SPMAP2L: variants seen among roughly 807,000 people sequenced by gnomAD.
The protein encoded by SPMAP2L is sperm microtubule associated protein 2 like, also known as sperm microtubule associated protein 2-like.
the SPMAP2L span, chr4:56,593,747 G>A: frequency 6.4e-6 from 10 of 1,568,834 alleles, no homozygotes; most frequent in East Asian, 2.2e-4. Flanking sequence ...GTATTGTCTT[G>A]CTCTTCAAAC....
the SPMAP2L span, among the ~76,000 whole-genome samples, chr4:56,583,819 A>G: frequency 3.3e-5 from 5 of 152,266 alleles, no homozygotes; most frequent in South Asian, 6.2e-4. Flanking sequence ...ATAACAGATC[A>G]TAAAATCAAT....
the SPMAP2L span, among the ~76,000 whole-genome samples, chr4:56,603,956 G>A: frequency 6.6e-6 from 1 of 152,082 alleles, no homozygotes; most frequent in African/African-American, 2.4e-5. Context: ...AAGCTGTTTG[G>A]TAAGCATTAA....
chr4:56,599,219 C>T, the SPMAP2L span, among the ~76,000 whole-genome samples: 2 of 151,842 alleles, frequency 1.3e-5, no homozygotes, highest in East Asian at 1.9e-4. Flanking sequence ...ATCTCACTCT[C>T]TCACCCAGGC....
At chr4:56,587,961 C>T in the SPMAP2L span, among the ~76,000 whole-genome samples, 10 of 152,248 alleles carry the variant, frequency 6.6e-5, no homozygotes, top group South Asian at 2.1e-4. Context: ...CCCTGATCAC[C>T]GCATCCACAC....
At chr4:56,608,844 C>A in the SPMAP2L span, among the ~76,000 whole-genome samples, 2 of 152,088 alleles carry the variant, frequency 1.3e-5, no homozygotes, top group South Asian at 2.1e-4. Flanking sequence ...AGGGGGTGAG[C>A]CCACCTGGGT....
At chr4:56,542,785 G>A in the SPMAP2L span, among the ~76,000 whole-genome samples, 3 of 152,142 alleles carry the variant, frequency 2.0e-5, no homozygotes, top group African/African-American at 4.8e-5. Context: ...AGATTGATGA[G>A]TGGGTTCAGG....
chr4:56,535,505 A>G, the SPMAP2L span, among the ~76,000 whole-genome samples: 1 of 152,036 alleles, frequency 6.6e-6, no homozygotes, highest in African/African-American at 2.4e-5. Flanking sequence ...TGCTTGCTCA[A>G]TCGATCATGA....
chr4:56,608,578 A>G, the SPMAP2L span, among the ~76,000 whole-genome samples: 1 of 152,194 alleles, frequency 6.6e-6, no homozygotes, highest in Non-Finnish European at 1.5e-5. Context: ...CCCACTTCCT[A>G]GTATTGCCTC....
the SPMAP2L span, among the ~76,000 whole-genome samples, chr4:56,587,265 CATTG>C: frequency 0.033 from 5,004 of 150,888 alleles, 264 homozygotes; most frequent in African/African-American, 0.11. Flanking sequence ...TTCCTTGGTC[CATTG>C]ATTGATTGAT....
the SPMAP2L span, among the ~76,000 whole-genome samples, chr4:56,569,338 T>C: frequency 6.6e-6 from 1 of 152,234 alleles, no homozygotes; most frequent in Non-Finnish European, 1.5e-5. Context: ...TTGATAAAGC[T>C]GTCCTCCTAT....
At chr4:56,580,713 G>A in the SPMAP2L span, among the ~76,000 whole-genome samples, 1 of 152,088 alleles carries the variant, frequency 6.6e-6, no homozygotes, top group Non-Finnish European at 1.5e-5. Flanking sequence ...AGTCAGAAAT[G>A]ACGTGATCTT....
the SPMAP2L span, among the ~76,000 whole-genome samples, chr4:56,556,422 C>A: frequency 6.6e-6 from 1 of 152,098 alleles, no homozygotes; most frequent in Non-Finnish European, 1.5e-5. Context: ...AAAGAAAATA[C>A]AAGAGGGGGA....
the SPMAP2L span, among the ~76,000 whole-genome samples, chr4:56,623,073 C>T: frequency 6.6e-6 from 1 of 152,136 alleles, no homozygotes; most frequent in Non-Finnish European, 1.5e-5. Context: ...TTGGGTCCTC[C>T]AGCTTCCTGC....
the SPMAP2L span, among the ~76,000 whole-genome samples, chr4:56,609,922 A>G: frequency 1.3e-5 from 2 of 152,182 alleles, no homozygotes; most frequent in African/African-American, 4.8e-5. Flanking sequence ...ATTTTGTTAG[A>G]GCAACCTGAA....
the SPMAP2L span, among the ~76,000 whole-genome samples, chr4:56,553,383 G>C: frequency 6.6e-6 from 1 of 151,194 alleles, no homozygotes; most frequent in African/African-American, 2.4e-5. Context: ...GTGGAGACGG[G>C]GGTTTCCCTA....
chr4:56,592,761 G>C, the SPMAP2L span, among the ~76,000 whole-genome samples: 1 of 152,030 alleles, frequency 6.6e-6, no homozygotes, highest in East Asian at 1.9e-4. Context: ...CCGTGGGGCC[G>C]GGACAGCAGC....
the SPMAP2L span, chr4:56,530,899 G>T: frequency 5.6e-5 from 86 of 1,535,006 alleles, no homozygotes; most frequent in African/African-American, 1.0e-3. Flanking sequence ...CGAGTCCGAG[G>T]AATGTGATGA....
the SPMAP2L span, among the ~76,000 whole-genome samples, chr4:56,546,215 A>C: frequency 6.6e-6 from 1 of 152,170 alleles, no homozygotes; most frequent in Non-Finnish European, 1.5e-5. Flanking sequence ...TCCTTGTATT[A>C]TTTAACTTTC....
the SPMAP2L span, among the ~76,000 whole-genome samples, chr4:56,592,542 C>T: frequency 6.6e-6 from 1 of 152,248 alleles, no homozygotes; most frequent in East Asian, 1.9e-4. Context: ...GGCTGGCGGT[C>T]CAGCGAAAGG....
Sources: allele counts gnomAD v4.1 joint callset (sites outside exome capture counted in the v4.1 genomes callset), GRCh38; gene constraint gnomAD v4.1.1; transcripts MANE v1.5; gene names NCBI Gene and HGNC (gene_info 2026-07-23, HGNC 2026-07-21).